SEMA6D: variants seen among roughly 807,000 people sequenced by gnomAD.
SEMA6D encodes semaphorin 6D.
A neutral mutation model predicts 106.6 loss-of-function variants in SEMA6D; 35 were observed. That is an observed-to-expected ratio of 0.33 (90% CI 0.25 to 0.44). The LOEUF is 0.44. Ranked by LOEUF, SEMA6D falls within the 20% of genes least tolerant of loss-of-function variation. The pLI is 1.00. For missense variants in SEMA6D, 1,185 were observed against 1,345.9 expected (o/e 0.88, Z 1.87); for synonymous variants, 499 against 487.7 (o/e 1.02, Z -0.31).
At chr15:47,729,331 T>A (rs2079969362) in intron 1 of SEMA6D, among the ~76,000 whole-genome samples, 1 of 152,224 alleles carries the variant, frequency 6.6e-6, no homozygotes, top group South Asian at 2.1e-4. Flanking sequence ...CATTTATTTC[T>A]TCTCAGGGTG....
At chr15:47,216,913 G>T (rs1427346127) in intron 1 of SEMA6D, among the ~76,000 whole-genome samples, 1 of 152,126 alleles carries the variant, frequency 6.6e-6, no homozygotes, top group African/African-American at 2.4e-5. Flanking sequence ...CTGAATATTT[G>T]TGTCCCCCTA....
intron 4 of SEMA6D, among the ~76,000 whole-genome samples, chr15:47,643,121 T>C (rs1296284931): frequency 6.6e-6 from 1 of 152,184 alleles, no homozygotes; most frequent in African/African-American, 2.4e-5. Flanking sequence ...GGTGTAAGTT[T>C]CTACTATGTC....
chr15:47,538,620 T>C (rs900936517), intron 3 of SEMA6D, among the ~76,000 whole-genome samples: 10 of 152,308 alleles, frequency 6.6e-5, no homozygotes, highest in African/African-American at 2.4e-4. Flanking sequence ...ACAGTGGCTA[T>C]TGATACATAT....
chr15:47,254,759 A>G (rs1156677901), intron 1 of SEMA6D, among the ~76,000 whole-genome samples: 1 of 152,082 alleles, frequency 6.6e-6, no homozygotes, highest in African/African-American at 2.4e-5. Flanking sequence ...CATCTCTGGG[A>G]TGAATCCCAC....
At chr15:47,264,687 T>G (rs542575062) in intron 1 of SEMA6D, among the ~76,000 whole-genome samples, 1 of 152,202 alleles carries the variant, frequency 6.6e-6, no homozygotes, top group South Asian at 2.1e-4. Flanking sequence ...TTTCTTTTTT[T>G]AGAGTGAAAG....
chr15:47,570,330 A>T (rs2046349122), intron 3 of SEMA6D, among the ~76,000 whole-genome samples: 3 of 152,268 alleles, frequency 2.0e-5, no homozygotes, highest in African/African-American at 7.2e-5. Context: ...GCCCGCGGCC[A>T]TTACTCACCT....
intron 1 of SEMA6D, among the ~76,000 whole-genome samples, chr15:47,273,251 T>TA (rs5812368): frequency 0.61 from 90,571 of 147,612 alleles, 27,914 homozygotes; most frequent in East Asian, 0.92. Flanking sequence ...TGTCTTGCCT[T>TA]AAAAAAAAAA....
At chr15:47,215,664 A>T (rs1392641111) in intron 1 of SEMA6D, among the ~76,000 whole-genome samples, 1 of 152,162 alleles carries the variant, frequency 6.6e-6, no homozygotes, top group Non-Finnish European at 1.5e-5. Context: ...TGTATATAAT[A>T]AATCAGTTTC....
At chr15:47,342,374 C>A (rs1253690685) in intron 1 of SEMA6D, among the ~76,000 whole-genome samples, 1 of 152,202 alleles carries the variant, frequency 6.6e-6, no homozygotes, top group African/African-American at 2.4e-5. Context: ...TTCTTTGTAA[C>A]AACTGCTAAT....
chr15:47,211,881 G>C (rs928799718), intron 1 of SEMA6D, among the ~76,000 whole-genome samples: 21 of 151,734 alleles, frequency 1.4e-4, no homozygotes, highest in African/African-American at 4.4e-4. Context: ...TTAATAATTA[G>C]CTCTCCTGAA....
At chr15:47,295,721 C>G (rs1337033278) in intron 1 of SEMA6D, among the ~76,000 whole-genome samples, 11 of 152,206 alleles carry the variant, frequency 7.2e-5, no homozygotes. Context: ...AAATGAGATA[C>G]AAACATAATC....
chr15:47,291,493 GC>G (rs1394184414), intron 1 of SEMA6D, among the ~76,000 whole-genome samples: 2 of 152,144 alleles, frequency 1.3e-5, no homozygotes, highest in Non-Finnish European at 2.9e-5. Flanking sequence ...CCTTTAGGAA[GC>G]CCATGTTGTT....
chr15:47,659,851 A>G (rs1010037807), intron 4 of SEMA6D, among the ~76,000 whole-genome samples: 4 of 152,114 alleles, frequency 2.6e-5, no homozygotes, highest in African/African-American at 9.6e-5. Context: ...TATACCCACA[A>G]ATTAGAAAAG....
At chr15:47,373,016 G>T (rs1265838270) in intron 1 of SEMA6D, among the ~76,000 whole-genome samples, 1 of 152,190 alleles carries the variant, frequency 6.6e-6, no homozygotes, top group Admixed American at 6.5e-5. Flanking sequence ...AGAACACACA[G>T]GCATGAAATC....
intron 1 of SEMA6D, among the ~76,000 whole-genome samples, chr15:47,366,392 G>A (rs1464009222): frequency 1.3e-5 from 2 of 152,170 alleles, no homozygotes; most frequent in African/African-American, 4.8e-5. Flanking sequence ...TGTTCTTCAG[G>A]GACAAAGGTG....
intron 1 of SEMA6D, among the ~76,000 whole-genome samples, chr15:47,338,686 G>C (rs2087719344): frequency 6.6e-6 from 1 of 152,122 alleles, no homozygotes; most frequent in South Asian, 2.1e-4. Flanking sequence ...AGCATCTTTT[G>C]AGTTGTATAT....
At chr15:47,648,533 C>T (rs2077624409) in intron 4 of SEMA6D, among the ~76,000 whole-genome samples, 1 of 150,292 alleles carries the variant, frequency 6.7e-6, no homozygotes, top group Non-Finnish European at 1.5e-5. Context: ...GGTAATCATA[C>T]AAATGCACTT....
At chr15:47,520,140 C>A (rs1596225486) in intron 3 of SEMA6D, among the ~76,000 whole-genome samples, 2 of 152,276 alleles carry the variant, frequency 1.3e-5, no homozygotes, top group East Asian at 3.9e-4. Flanking sequence ...CTCCTTGATA[C>A]CTGGGATATT....
At chr15:47,369,741 T>C (rs565899328) in intron 1 of SEMA6D, among the ~76,000 whole-genome samples, 4 of 152,260 alleles carry the variant, frequency 2.6e-5, no homozygotes, top group Non-Finnish European at 5.9e-5. Flanking sequence ...TTCCTAGCCA[T>C]AGAGAAAATC....
Sources: gnomAD v4.1 joint callset for allele counts (sites outside exome capture counted in the v4.1 genomes callset) on GRCh38, gnomAD v4.1.1 for gene constraint, MANE v1.5 for transcripts, NCBI Gene and HGNC (gene_info 2026-07-23, HGNC 2026-07-21) for gene names.